CYP27A1: variants seen among roughly 807,000 people sequenced by gnomAD.
CYP27A1 encodes the protein cytochrome P450 family 27 subfamily A member 1, also known as sterol 26-hydroxylase, mitochondrial.
Under a neutral mutation model 58.2 loss-of-function variants are expected in CYP27A1, and 46 were observed. The observed-to-expected ratio is 0.79, with a 90% CI of 0.62 to 1.01. The LOEUF (loss-of-function observed/expected upper bound fraction) is 1.01, where lower values mean the gene tolerates loss of function less well. Ranked by LOEUF, CYP27A1 falls within the 50% of genes least tolerant of loss-of-function variation. The probability of loss-of-function intolerance (pLI) is 0.00; values close to 1 mark genes in which losing one functional copy is unlikely to be tolerated. For synonymous variants in CYP27A1, 274 were observed against 285.1 expected (o/e 0.96, Z 0.39); for missense variants, 704 against 687.0 (o/e 1.02, Z -0.28).
rs1336531293 is a variant in CYP27A1 at position 218,793,433 on chromosome 2, C to T, written c.255+10996C>T. 5.9e-5 allele frequency among the ~76,000 whole-genome samples: 9 copies of T among 152,068 alleles called. No individual in the cohort carries two copies. The South Asian group carries it at 8.3e-4, about 14-fold the overall frequency. On this transcript the variant is annotated intron_variant, in intron 1 of 8. Transcript: ENST00000258415. ...CTTTGATAAAGGAGACTCAGTTTTCCGAACAATCAAAAGACATAAGACAGC... is the reference window on the plus strand; with the variant it reads ...CTTTGATAAAGGAGACTCAGTTTTCTGAACAATCAAAAGACATAAGACAGC...
intron 1 of CYP27A1, among the ~76,000 whole-genome samples, chr2:218,807,662 G>A (rs1943665288): frequency 6.6e-6 from 1 of 151,986 alleles, no homozygotes; most frequent in African/African-American, 2.4e-5. Flanking sequence ...TGTCATCTAG[G>A]CTGGAGTGCA....
At chr2:218,804,542 T>C (rs1943632047) in intron 1 of CYP27A1, among the ~76,000 whole-genome samples, 1 of 152,214 alleles carries the variant, frequency 6.6e-6, no homozygotes. Context: ...TGCAGTTCCA[T>C]ATTAATTTTA....
chr2:218,807,259 C>T (rs1033515074), intron 1 of CYP27A1, among the ~76,000 whole-genome samples: 7 of 151,928 alleles, frequency 4.6e-5, no homozygotes, highest in Admixed American at 3.9e-4. Flanking sequence ...GTGCCCGGCC[C>T]TCCTAGGGAA....
chr2:218,782,274 T>C lies in CYP27A1; in HGVS notation c.92T>C (p.Ile31Thr). ...CACGGGGCCAGAGCCAAGGCCGCGA[T>C]CCCTGCCGCCCTCCCCTCGGACAAG... ...CPHGARAKAA[I>T]PAALPSDKAT... The change falls in exon 1 of 9, where the codon ATC becomes ACC. Residue 31 changes from isoleucine to threonine, a missense_variant. By Grantham distance (89) the Ile-to-Thr change is moderately conservative. Coordinates refer to ENST00000258415, the MANE Select transcript of CYP27A1 (RefSeq NM_000784.4). The surrounding 1 kb of genome is among the most constrained non-coding windows in gnomAD (Gnocchi z 4.1). 3 of 1,578,092 alleles carry C rather than the reference T, an allele frequency of 1.9e-6. No homozygotes were observed. Among genetic ancestry groups the C allele is most frequent in the Non-Finnish European group, 2.6e-6 (3 of 1,162,124 alleles).
At chr2:218,800,348 C>T (rs1466600391) in intron 1 of CYP27A1, among the ~76,000 whole-genome samples, 1 of 152,088 alleles carries the variant, frequency 6.6e-6, no homozygotes, top group Non-Finnish European at 1.5e-5. Context: ...CAAAGTAACG[C>T]AGCCTGGTAG....
Position 218,813,114 on chromosome 2 carries a change from G to T in CYP27A1, c.1017+18G>T. On this transcript the variant is annotated intron_variant, in intron 5 of 8. Coordinates refer to ENST00000258415, the MANE Select transcript of CYP27A1 (RefSeq NM_000784.4). ...TGGACACGGTGCGTGAAGGGGGAGG[G>T]TGAGACCAGGGGCCCCCAGCTCCCA... is the stretch of plus-strand genomic sequence containing the variant. The T allele has an allele frequency of 2.5e-6, 4 of 1,597,004 alleles. No individual in the cohort carries two copies. The highest frequency in any genetic ancestry group is 3.4e-6 in the Non-Finnish European group (4 of 1,170,698).
intron 1 of CYP27A1, among the ~76,000 whole-genome samples, chr2:218,783,274 AAAG>A (rs1316998397): frequency 2.0e-5 from 3 of 151,098 alleles, no homozygotes; most frequent in African/African-American, 4.9e-5. Context: ...AAAAAAAAAA[AAAG>A]AAAAAAAGAA....
At chr2:218,792,705 G>A (rs1369722714) in intron 1 of CYP27A1, among the ~76,000 whole-genome samples, 2 of 152,124 alleles carry the variant, frequency 1.3e-5, no homozygotes, top group East Asian at 3.8e-4. Flanking sequence ...GGTTATTTCT[G>A]TGGCCTACAA....
At chr2:218,784,461 T>C (rs2106479858) in intron 1 of CYP27A1, among the ~76,000 whole-genome samples, 1 of 152,364 alleles carries the variant, frequency 6.6e-6, no homozygotes, top group East Asian at 1.9e-4. Flanking sequence ...CTCTTCACTG[T>C]TGAACTTCAT....
At chr2:218,803,518 G>A (rs1251127192) in intron 1 of CYP27A1, among the ~76,000 whole-genome samples, 2 of 152,006 alleles carry the variant, frequency 1.3e-5, no homozygotes, top group African/African-American at 2.4e-5. Flanking sequence ...CTGCCTCCCA[G>A]GTTCAAGCAA....
chr2:218,810,783 A>G (rs1031302911), intron 2 of CYP27A1, among the ~76,000 whole-genome samples: 1 of 152,060 alleles, frequency 6.6e-6, no homozygotes, highest in Non-Finnish European at 1.5e-5. Context: ...TCTTTTTGCA[A>G]TTTTCCCTTA....
At chr2:218,786,840 G>T (rs972152461) in intron 1 of CYP27A1, among the ~76,000 whole-genome samples, 1 of 151,570 alleles carries the variant, frequency 6.6e-6, no homozygotes, top group Non-Finnish European at 1.5e-5. Flanking sequence ...TGTCACCCAG[G>T]CTGGAGTGCA....
chr2:218,799,978 T>A (rs1451787067), intron 1 of CYP27A1, among the ~76,000 whole-genome samples: 2 of 152,142 alleles, frequency 1.3e-5, no homozygotes, highest in African/African-American at 2.4e-5. Context: ...TCTGCCCTAG[T>A]CCTGTTCATC....
At chr2:218,795,546 C>T (rs1051296272) in intron 1 of CYP27A1, among the ~76,000 whole-genome samples, 5 of 152,196 alleles carry the variant, frequency 3.3e-5, no homozygotes, top group African/African-American at 1.2e-4. Flanking sequence ...GGGCATCCTA[C>T]TTATTCCTGT....
chr2:218,788,167 C>T (rs77240464), intron 1 of CYP27A1, among the ~76,000 whole-genome samples: 29 of 152,292 alleles, frequency 1.9e-4, no homozygotes, highest in African/African-American at 6.5e-4. Flanking sequence ...CTTCTGGGGC[C>T]GGAATGGCCA....
intron 1 of CYP27A1, among the ~76,000 whole-genome samples, chr2:218,798,618 C>T (rs1242389824): frequency 1.3e-5 from 2 of 152,206 alleles, no homozygotes; most frequent in Admixed American, 6.5e-5. Context: ...TGCAGTGGCT[C>T]ATGCCTGTAA....
At chr2:218,799,473 A>G (rs1434828133) in intron 1 of CYP27A1, among the ~76,000 whole-genome samples, 2 of 152,146 alleles carry the variant, frequency 1.3e-5, no homozygotes, top group African/African-American at 4.8e-5. Flanking sequence ...GGATGCGGCC[A>G]TACCAAAGAA....
intron 1 of CYP27A1, among the ~76,000 whole-genome samples, chr2:218,790,440 A>G (rs1052055712): frequency 7.2e-5 from 11 of 152,232 alleles, no homozygotes; most frequent in African/African-American, 2.4e-4. Context: ...AATCAAATAG[A>G]TCAAAGAATC....
Position 218,782,450 on chromosome 2 carries a change from G to T in CYP27A1, c.255+13G>T. 6.2e-7 allele frequency: 1 copy of T among 1,614,116 alleles called. No homozygotes were observed. The highest frequency in any genetic ancestry group is 8.5e-7 in the Non-Finnish European group (1 of 1,179,996). On this transcript the variant is annotated intron_variant, in intron 1 of 8. Coordinates refer to ENST00000258415, the MANE Select transcript of CYP27A1 (RefSeq NM_000784.4). The surrounding 1 kb of genome is among the most constrained non-coding windows in gnomAD (Gnocchi z 4.1). ...GCACCAGTTACAGGTAACCCGCGGG[G>T]GCATCGCGTCCTGGGGATGGGAGTG...
Sources: allele counts gnomAD v4.1 joint callset (sites outside exome capture counted in the v4.1 genomes callset), GRCh38; gene constraint gnomAD v4.1.1; non-coding constraint Gnocchi (gnomAD v3.1); transcripts MANE v1.5; gene names NCBI Gene and HGNC (gene_info 2026-07-23, HGNC 2026-07-21).